Variants in APBA2 observed in about 807,000 individuals in gnomAD.
The protein encoded by APBA2 is amyloid beta precursor protein binding family A member 2.
In APBA2, 30 loss-of-function variants were observed where a neutral mutation model predicts 75.0. The observed-to-expected ratio is 0.40, with a 90% CI of 0.30 to 0.54. The LOEUF (loss-of-function observed/expected upper bound fraction) is 0.54. APBA2 is among the 20% of genes least tolerant of loss of function. APBA2 has a pLI of 0.49. For synonymous variants in APBA2, 444 were observed against 409.6 expected, an observed-to-expected ratio of 1.08 and a Z score of -1.01; for missense variants, 801 against 1,016.1, an observed-to-expected ratio of 0.79 and a Z score of 2.88.
intron 4 of APBA2, 116 bp from the exon 5 acceptor site, chr15:29,074,805 A>G (rs115957475): frequency 2.5e-6 from 2 of 803,808 alleles, no homozygotes; most frequent in Admixed American, 2.0e-5. Context: ...ACACACCTAT[A>G]CACATACAGA....
Position 29,053,880 on chromosome 15 carries a change from C to G in APBA2, c.-5C>G. 2 of 1,609,398 alleles carry G rather than the reference C, an allele frequency of 1.2e-6. No homozygotes were observed. The highest frequency in any genetic ancestry group is 1.7e-6 in the Non-Finnish European group (2 of 1,176,462). On this transcript the variant is annotated 5_prime_UTR_variant, in exon 4 of 15. Coordinates refer to ENST00000683413, the MANE Select transcript of APBA2 (RefSeq NM_001353788.2). ...CGGGTGATGATGGCTGTGTGAACGA[C>G]TGCCATGGCCCACCGGAAGCTTGAG...
intron 2 of APBA2, among the ~76,000 whole-genome samples, chr15:28,986,604 T>C (rs550993810): frequency 1.4e-4 from 21 of 151,578 alleles, no homozygotes; most frequent in African/African-American, 4.8e-4. Flanking sequence ...GTAGCTGGGA[T>C]TACAGGTGTG....
chr15:28,892,701 A>G (rs138920794), intron 1 of APBA2, among the ~76,000 whole-genome samples: 23,827 of 151,278 alleles, frequency 0.16, 1,876 homozygotes, highest in Middle Eastern at 0.22. Flanking sequence ...ATATATATAT[A>G]AAATTTTTTT....
chr15:29,115,570 A>G (rs2045047081), intron 14 of APBA2, among the ~76,000 whole-genome samples: 1 of 152,140 alleles, frequency 6.6e-6, no homozygotes, highest in Admixed American at 6.5e-5. Flanking sequence ...AACGGGGAAG[A>G]GGCAGGAGGC....
chr15:29,081,887 G>A (rs2043098004), intron 6 of APBA2, among the ~76,000 whole-genome samples: 1 of 152,254 alleles, frequency 6.6e-6, no homozygotes, highest in African/African-American at 2.4e-5. Context: ...TTCTTTTATG[G>A]AGGCGGTTCC....
At chr15:29,094,190 G>A (rs1425644180) in intron 7 of APBA2, 88 bp from the exon 8 acceptor site, 1 of 1,423,808 alleles carries the variant, frequency 7.0e-7, no homozygotes, top group East Asian at 2.3e-5. Context: ...CCTGAGAGTG[G>A]GGGCATCAAC....
intron 6 of APBA2, among the ~76,000 whole-genome samples, chr15:29,089,276 G>T (rs985639156): frequency 6.6e-6 from 1 of 152,208 alleles, no homozygotes; most frequent in Admixed American, 6.5e-5. Flanking sequence ...CACTTAGATG[G>T]TCCTTATTTG....
rs762313117 is a variant in APBA2 at position 29,106,813 on chromosome 15, C to A, written c.1911C>A (p.Ile637=). 7 of 1,612,764 alleles carry A rather than the reference C, an allele frequency of 4.3e-6. No homozygotes were observed. In the South Asian group the frequency reaches 7.7e-5, roughly 18 times the overall value. The change falls in exon 12 of 15, where the codon ATC becomes ATA. Residue 637 remains isoleucine, a synonymous_variant. Transcript: ENST00000683413. ...VGLPLATCQG[I]IKGLKNQTQV... ...TGCCCCTCGCCACCTGCCAAGGCAT[C>A]ATCAAGGTAGGCACCCTGGGATCCT...
At chr15:29,080,999 T>G (rs1443671219) in intron 6 of APBA2, among the ~76,000 whole-genome samples, 1 of 152,184 alleles carries the variant, frequency 6.6e-6, no homozygotes. Context: ...AGCCTGTCTA[T>G]AGCTCATCAA....
chr15:29,015,802 T>C (rs1352287497), intron 3 of APBA2, among the ~76,000 whole-genome samples: 1 of 152,068 alleles, frequency 6.6e-6, no homozygotes, highest in Non-Finnish European at 1.5e-5. Flanking sequence ...TCGGAGGAAG[T>C]CGCTCTGGGC....
chr15:29,043,911 A>G (rs1242973378), intron 3 of APBA2, among the ~76,000 whole-genome samples: 1 of 152,220 alleles, frequency 6.6e-6, no homozygotes, highest in Non-Finnish European at 1.5e-5. Context: ...TGAAATACTT[A>G]TTCGGTGACT....
At chr15:28,919,392 G>A (rs905799821) in intron 1 of APBA2, 1 of 152,294 alleles carries the variant, frequency 6.6e-6, no homozygotes, top group Non-Finnish European at 1.5e-5. Flanking sequence ...CCTGGTTCCT[G>A]GGTGCCGCAT....
chr15:28,899,401 G>A (rs746273262), intron 1 of APBA2, among the ~76,000 whole-genome samples: 5 of 152,234 alleles, frequency 3.3e-5, no homozygotes, highest in Non-Finnish European at 5.9e-5. Context: ...CCATGTCGCT[G>A]ACTTCAGAGG....
At chr15:28,965,200 A>G (rs1001753193) in intron 2 of APBA2, among the ~76,000 whole-genome samples, 2 of 152,080 alleles carry the variant, frequency 1.3e-5, no homozygotes, top group Admixed American at 6.6e-5. Context: ...TAGATGTGCA[A>G]ATACTCCAGC....
At chr15:28,952,971 A>T (rs1010730573) in intron 2 of APBA2, among the ~76,000 whole-genome samples, 1 of 152,212 alleles carries the variant, frequency 6.6e-6, no homozygotes, top group African/African-American at 2.4e-5. Flanking sequence ...TTTGTATGAC[A>T]TAAATGTCAA....
At chr15:28,989,959 A>C (rs1220626978) in intron 2 of APBA2, among the ~76,000 whole-genome samples, 2 of 152,174 alleles carry the variant, frequency 1.3e-5, no homozygotes, top group Non-Finnish European at 2.9e-5. Context: ...GAATTGCAGA[A>C]AACAAGGTCA....
At chr15:28,937,949 G>C (rs1467328280) in intron 2 of APBA2, among the ~76,000 whole-genome samples, 1 of 152,092 alleles carries the variant, frequency 6.6e-6, no homozygotes, top group African/African-American at 2.4e-5. Context: ...GAGCCACCGC[G>C]CCTGGCCCCC....
intron 2 of APBA2, among the ~76,000 whole-genome samples, chr15:28,967,207 C>T (rs1321648640): frequency 1.3e-5 from 2 of 152,138 alleles, no homozygotes; most frequent in Admixed American, 6.6e-5. Flanking sequence ...TCATAATTCA[C>T]ATACCATGTA....
chr15:28,924,810 G>C lies in APBA2; in HGVS notation c.-95+3061G>C, dbSNP rs1259935221. On this transcript the variant is annotated intron_variant, in intron 2 of 14. Coordinates refer to ENST00000683413, the MANE Select transcript of APBA2 (RefSeq NM_001353788.2). ...AATTGTTGCGTTCTGTGGTGACTCT[G>C]TTTCACTTTTCCAGGAACTGCCAAA... 1.3e-5 allele frequency among the ~76,000 whole-genome samples: 2 copies of C among 152,072 alleles called. 1 individual carries two copies. Among genetic ancestry groups the C allele is most frequent in the Non-Finnish European group, 2.9e-5 (2 of 68,036 alleles).
Sources: gnomAD v4.1 joint callset for allele counts (sites outside exome capture counted in the v4.1 genomes callset) on GRCh38, gnomAD v4.1.1 for gene constraint, MANE v1.5 for transcripts, NCBI Gene and HGNC (gene_info 2026-07-23, HGNC 2026-07-21) for gene names.